ENPEP: variants seen among roughly 807,000 people sequenced by gnomAD.
ENPEP encodes the protein AP-A.
Under a neutral mutation model 114.5 loss-of-function variants are expected in ENPEP, and 103 were observed. The ratio of observed to expected loss-of-function variants is 0.90; its 90% CI spans 0.77 to 1.06. The LOEUF (loss-of-function observed/expected upper bound fraction) is 1.06, where lower values mean the gene tolerates loss of function less well. Among genes scored for constraint, ENPEP ranks in the 50% least tolerant of loss-of-function variants. The pLI, the probability that ENPEP is intolerant of heterozygous loss-of-function variation, is 0.00. For missense variants in ENPEP, 1,196 were observed against 1,161.3 expected (o/e 1.03, Z -0.43); for synonymous variants, 420 against 422.0 (o/e 1.00, Z 0.06).
At chr4:110,499,315 T>C (rs1725065249) in intron 3 of ENPEP, among the ~76,000 whole-genome samples, 1 of 152,220 alleles carries the variant, frequency 6.6e-6, no homozygotes, top group Admixed American at 6.5e-5. Flanking sequence ...ATAAGTGCTG[T>C]TGTTATATCT....
At chr4:110,526,459 A>G (rs1726200170) in intron 10 of ENPEP, among the ~76,000 whole-genome samples, 1 of 152,220 alleles carries the variant, frequency 6.6e-6, no homozygotes, top group Non-Finnish European at 1.5e-5. Context: ...GTGATTAAGT[A>G]ATTTCAAGGT....
At chr4:110,510,216 A>G in intron 5 of ENPEP, 29 bp from the exon 6 acceptor site, 1 of 1,569,182 alleles carries the variant, frequency 6.4e-7, no homozygotes, top group Non-Finnish European at 8.8e-7. Context: ...ATAAGAATGT[A>G]ATTATCTCTT....
At chr4:110,539,665 C>T (rs1343317155) in intron 11 of ENPEP, among the ~76,000 whole-genome samples, 3 of 152,110 alleles carry the variant, frequency 2.0e-5, no homozygotes, top group Non-Finnish European at 4.4e-5. Context: ...GCTGGGATTA[C>T]AAGTGTGAGT....
At chr4:110,485,380 A>G (rs1724464962) in intron 1 of ENPEP, among the ~76,000 whole-genome samples, 1 of 152,154 alleles carries the variant, frequency 6.6e-6, no homozygotes, top group Admixed American at 6.5e-5. Flanking sequence ...TAGATTCACC[A>G]ATTGTTTACG....
intron 4 of ENPEP, among the ~76,000 whole-genome samples, chr4:110,508,434 A>ATATC (rs1725450029): frequency 6.6e-6 from 1 of 152,256 alleles, no homozygotes. Context: ...TAAAAATGAG[A>ATATC]TAACATGAAA....
At chr4:110,543,667 A>T (rs1038168910) in intron 13 of ENPEP, among the ~76,000 whole-genome samples, 1 of 151,918 alleles carries the variant, frequency 6.6e-6, no homozygotes, top group Non-Finnish European at 1.5e-5. Context: ...TAATTCACAT[A>T]GTCTAACACC....
intron 18 of ENPEP, among the ~76,000 whole-genome samples, chr4:110,556,803 T>A (rs1046607375): frequency 1.3e-5 from 2 of 152,150 alleles, no homozygotes; most frequent in African/African-American, 2.4e-5. Context: ...ATTGAATATA[T>A]GAAAACTGAT....
At chr4:110,555,583 T>C (rs758547515) in intron 18 of ENPEP, among the ~76,000 whole-genome samples, 5 of 152,168 alleles carry the variant, frequency 3.3e-5, no homozygotes, top group South Asian at 2.1e-4. Flanking sequence ...TTTTGTTTCT[T>C]CCAATAAACT....
chr4:110,520,802 T>A (rs997951594), intron 10 of ENPEP, among the ~76,000 whole-genome samples: 4 of 152,076 alleles, frequency 2.6e-5, no homozygotes, highest in African/African-American at 9.7e-5. Context: ...GAGTGAGAAG[T>A]GAGGCTGGAA....
chr4:110,519,695 C>T (rs1725909210), intron 8 of ENPEP, among the ~76,000 whole-genome samples: 1 of 151,940 alleles, frequency 6.6e-6, no homozygotes, highest in Non-Finnish European at 1.5e-5. Context: ...GAGCAGAGAT[C>T]AGCAAGCTAC....
chr4:110,556,275 C>G (rs1482911346), intron 18 of ENPEP, among the ~76,000 whole-genome samples: 1 of 151,794 alleles, frequency 6.6e-6, no homozygotes. Flanking sequence ...AATGCAACCA[C>G]CAAGAAATAA....
chr4:110,495,136 A>G (rs12505584), intron 3 of ENPEP, among the ~76,000 whole-genome samples: 61,021 of 151,840 alleles, frequency 0.4, 12,486 homozygotes, highest in East Asian at 0.51. Flanking sequence ...ATGAGAGTTC[A>G]GCACAAAGTT....
chr4:110,510,435 T>C, intron 6 of ENPEP, 77 bp downstream of exon 6: 1 of 1,233,396 alleles, frequency 8.1e-7, no homozygotes, highest in Non-Finnish European at 1.2e-6. Context: ...ACTATGATAA[T>C]GGTCCCGAGT....
chr4:110,526,603 C>A (rs910726974), intron 10 of ENPEP, among the ~76,000 whole-genome samples: 4 of 152,056 alleles, frequency 2.6e-5, no homozygotes, highest in African/African-American at 9.7e-5. Context: ...GTATGCAGAC[C>A]ATGTTAAAGA....
chr4:110,553,551 C>T, intron 18 of ENPEP, 96 bp downstream of exon 18: 2 of 1,198,572 alleles, frequency 1.7e-6, no homozygotes, highest in South Asian at 2.3e-5. Context: ...GACATCTATA[C>T]AATATCTAAA....
intron 1 of ENPEP, among the ~76,000 whole-genome samples, chr4:110,478,651 C>A (rs1724200661): frequency 6.6e-6 from 1 of 152,154 alleles, no homozygotes; most frequent in Non-Finnish European, 1.5e-5. Context: ...GTTGCCCAGG[C>A]TGGTCTTGAA....
intron 3 of ENPEP, among the ~76,000 whole-genome samples, chr4:110,497,371 A>T (rs1724983299): frequency 6.6e-6 from 1 of 152,118 alleles, no homozygotes; most frequent in Non-Finnish European, 1.5e-5. Context: ...CCTTGAAGGA[A>T]ACTGTTTAAT....
In ENPEP at chr4:110,509,700, G is replaced by T; in HGVS notation, c.1087G>T (p.Gly363Ter). Reference sequence around the variant, plus strand: ...TGGCACTGGTGCCATGGAGAACTGGGGACTCATCACGTACAGAGAAACGAA... The same window carrying T: ...TGGCACTGGTGCCATGGAGAACTGGTGACTCATCACGTACAGAGAAACGAA... ...DFGTGAMENW[G>*]LITYRETNLL... Residue 363 changes from glycine to a stop codon, truncating the protein, a stop_gained, in exon 5 of 20, where the codon GGA (glycine) becomes TGA (stop). Transcript: ENST00000265162. LOFTEE classifies it high-confidence loss of function. 2 of 1,614,098 alleles carry T rather than the reference G, an allele frequency of 1.2e-6. No individual in the cohort carries two copies. Among genetic ancestry groups the T allele is most frequent in the Non-Finnish European group, 1.7e-6 (2 of 1,179,984 alleles).
chr4:110,503,565 TG>T (rs1446059182), intron 3 of ENPEP, among the ~76,000 whole-genome samples: 1 of 152,220 alleles, frequency 6.6e-6, no homozygotes, highest in Admixed American at 6.5e-5. Flanking sequence ...CGTTTCAGTC[TG>T]GTTAAGAACC....
Sources: allele counts gnomAD v4.1 joint callset (sites outside exome capture counted in the v4.1 genomes callset), GRCh38; gene constraint gnomAD v4.1.1; transcripts MANE v1.5; gene names NCBI Gene and HGNC (gene_info 2026-07-23, HGNC 2026-07-21).